The following TFEC variants were observed in gnomAD, a reference collection of about 807,000 sequenced individuals.
TFEC encodes the protein transcription factor EC.
In TFEC, 31 loss-of-function variants were observed where a neutral mutation model predicts 41.6. The observed-to-expected ratio is 0.74, with a 90% CI of 0.56 to 1.01. The LOEUF (loss-of-function observed/expected upper bound fraction) is 1.01. TFEC is among the 50% of genes least tolerant of loss of function. TFEC has a pLI of 0.00. For missense variants in TFEC, 402 were observed against 404.1 expected, an observed-to-expected ratio of 0.99 and a Z score of 0.04; for synonymous variants, 143 against 140.6, an observed-to-expected ratio of 1.02 and a Z score of -0.12.
intron 3 of TFEC, among the ~76,000 whole-genome samples, chr7:116,068,609 T>C (rs892962159): frequency 2.0e-5 from 3 of 151,682 alleles, no homozygotes; most frequent in Non-Finnish European, 4.4e-5. Flanking sequence ...TAGAAAAGCT[T>C]ACTAGTATAT....
chr7:116,101,582 C>A (rs1313999282), intron 3 of TFEC, among the ~76,000 whole-genome samples: 1 of 151,944 alleles, frequency 6.6e-6, no homozygotes, highest in Non-Finnish European at 1.5e-5. Flanking sequence ...ACCTGACTGG[C>A]TCTTTAAATA....
At chr7:116,077,011 A>G (rs1796974874) in intron 3 of TFEC, among the ~76,000 whole-genome samples, 1 of 152,206 alleles carries the variant, frequency 6.6e-6, no homozygotes. Context: ...AAAGGATTTT[A>G]AGAGCTGTAA....
chr7:116,088,830 A>C (rs566712412), intron 3 of TFEC, among the ~76,000 whole-genome samples: 1 of 152,194 alleles, frequency 6.6e-6, no homozygotes, highest in South Asian at 2.1e-4. Context: ...ACACATACAC[A>C]TAAACACACA....
Position 115,941,663 on chromosome 7 carries a change from GTATATACA to G in TFEC, c.663+222_663+229del, listed in dbSNP as rs765417654. 1.4e-3 allele frequency: 750 copies of G among 540,224 alleles called. 6 individuals carry two copies. The highest frequency in any genetic ancestry group is 0.013 in the African/African-American group (665 of 52,844). 33.5% of individuals were successfully genotyped at this position (540,224 alleles called of 1,614,324 possible). ...TACACACATATATACACATATATGT[GTATATACA>G]TATATACATATATACATATTCAGCC... On this transcript the variant is annotated intron_variant, in intron 7 of 7. Transcript: ENST00000265440.
chr7:116,032,563 T>C (rs760830293), upstream of TFEC, among the ~76,000 whole-genome samples: 1 of 152,064 alleles, frequency 6.6e-6, no homozygotes, highest in Non-Finnish European at 1.5e-5. Context: ...CCATTATCCT[T>C]AGGAAATTAA....
rs1793214975 is a variant in TFEC at position 115,936,077 on chromosome 7, G to T, written c.*4474C>A. 6.6e-6 allele frequency: 1 copy of T among 151,542 alleles called. No individual in the cohort carries two copies. Among genetic ancestry groups the T allele is most frequent in the Admixed American group, 6.6e-5 (1 of 15,186 alleles). The allele number at this position is 151,542 out of a possible 1,614,324, so 9.4% of individuals were successfully genotyped here. On this transcript the variant is annotated 3_prime_UTR_variant, in exon 8 of 8. Transcript: ENST00000265440. ...GAAAATGTAGCACTGAAAATTTTAAGAAAAGCTATTTTTTCTGCTTTTGGA... is the reference window on the plus strand; with the variant it reads ...GAAAATGTAGCACTGAAAATTTTAATAAAAGCTATTTTTTCTGCTTTTGGA...
intron 1 of TFEC, among the ~76,000 whole-genome samples, chr7:116,114,274 C>T (rs564935099): frequency 3.3e-5 from 5 of 151,972 alleles, no homozygotes; most frequent in East Asian, 1.9e-4. Context: ...AAATGGATAT[C>T]AGGTAGAAAA....
Position 116,148,070 on chromosome 7 carries a change from A to C in TFEC, c.-69+11720T>G, listed in dbSNP as rs1435477927. ...GGCTATTGGAAGAGGATTCATAAAG[A>C]AGGCGAGATTTAAGCAAAGACTTCA... On this transcript the variant is annotated intron_variant, in intron 1 of 8. Transcript: ENST00000484212. Among the ~76,000 whole-genome samples the C allele has an allele frequency of 2.0e-5, 3 of 152,200 alleles. No individual in the cohort carries two copies. In the East Asian group the frequency reaches 5.8e-4, roughly 29 times the overall value.
chr7:116,094,848 G>C (rs1025529437), intron 3 of TFEC, among the ~76,000 whole-genome samples: 2 of 152,116 alleles, frequency 1.3e-5, no homozygotes, highest in Admixed American at 1.3e-4. Flanking sequence ...AATAGCACCA[G>C]TATTATGGAA....
intron 1 of TFEC, among the ~76,000 whole-genome samples, chr7:116,001,367 C>A (rs970844369): frequency 6.6e-6 from 1 of 151,816 alleles, no homozygotes; most frequent in Non-Finnish European, 1.5e-5. Flanking sequence ...TGGCAGTGTG[C>A]GCCTGTAGTG....
At chr7:116,037,343 A>G (rs1389314095) in intron 3 of TFEC, among the ~76,000 whole-genome samples, 1 of 152,014 alleles carries the variant, frequency 6.6e-6, no homozygotes, top group Non-Finnish European at 1.5e-5. Flanking sequence ...TAAAAATCTA[A>G]GGCAAAGGAA....
At chr7:116,013,526 C>A (rs1382308495) in intron 1 of TFEC, among the ~76,000 whole-genome samples, 1 of 152,122 alleles carries the variant, frequency 6.6e-6, no homozygotes, top group Non-Finnish European at 1.5e-5. Context: ...ATGAGGTGAG[C>A]ATTCCAGTGA....
At chr7:116,041,200 C>T (rs999825026) in intron 3 of TFEC, among the ~76,000 whole-genome samples, 2 of 151,832 alleles carry the variant, frequency 1.3e-5, no homozygotes, top group African/African-American at 4.8e-5. Context: ...TATCTTTTCA[C>T]ATAACATTTA....
chr7:116,000,686 T>C (rs1329676985), intron 1 of TFEC, among the ~76,000 whole-genome samples: 1 of 152,040 alleles, frequency 6.6e-6, no homozygotes, highest in Non-Finnish European at 1.5e-5. Flanking sequence ...ATCAAGAAAG[T>C]AATCCCATTT....
rs924039505 is a variant in TFEC at position 116,107,076 on chromosome 7, T to C, written c.198+3632A>G. Among the ~76,000 whole-genome samples, 4 of 152,302 alleles carry C rather than the reference T, an allele frequency of 2.6e-5. No individual in the cohort carries two copies. The South Asian group carries it at 6.2e-4, about 24-fold the overall frequency. On this transcript the variant is annotated intron_variant, in intron 3 of 8. Transcript: ENST00000484212. ...AATGGACAATATGAATCCAAAGCTC[T>C]CCATCCTACAGATGCGATTTAAGAG...
intron 1 of TFEC, among the ~76,000 whole-genome samples, chr7:116,152,520 A>G (rs1033155293): frequency 1.5e-4 from 23 of 152,208 alleles, no homozygotes; most frequent in African/African-American, 5.3e-4. Context: ...AGCAAACTAC[A>G]TGAGACCAGG....
chr7:115,964,254 T>A (rs544105402), intron 3 of TFEC, among the ~76,000 whole-genome samples: 1 of 151,628 alleles, frequency 6.6e-6, no homozygotes, highest in African/African-American at 2.4e-5. Context: ...CAAAAGGTAC[T>A]TTAAACATAC....
At chr7:116,020,266 A>G (rs1795344370) in intron 1 of TFEC, among the ~76,000 whole-genome samples, 1 of 152,262 alleles carries the variant, frequency 6.6e-6, no homozygotes, top group South Asian at 2.1e-4. Flanking sequence ...TTTTTTTTCT[A>G]AATGAGAATA....
chr7:115,947,090 T>C (rs1230907746), intron 6 of TFEC, among the ~76,000 whole-genome samples: 1 of 104,152 alleles, frequency 9.6e-6, no homozygotes, highest in African/African-American at 3.9e-5. Context: ...CCCACAACAG[T>C]CCCCAGAGTG....
Sources: gnomAD v4.1 joint callset for allele counts (sites outside exome capture counted in the v4.1 genomes callset) on GRCh38, gnomAD v4.1.1 for gene constraint, MANE v1.5 for transcripts, NCBI Gene and HGNC (gene_info 2026-07-23, HGNC 2026-07-21) for gene names.